CA10: variants seen among roughly 807,000 people sequenced by gnomAD.
CA10 encodes carbonic anhydrase 10 (inactive).
CA10 carries 14 observed loss-of-function variants against 44.2 expected under a neutral mutation model. The ratio of observed to expected loss-of-function variants is 0.32; its 90% CI spans 0.21 to 0.50. CA10 has a LOEUF of 0.50. Ranked by LOEUF, CA10 falls within the 20% of genes least tolerant of loss-of-function variation. CA10 has a pLI of 0.99. For missense variants in CA10, 350 were observed against 409.7 expected (o/e 0.85, Z 1.26); for synonymous variants, 159 against 141.6 (o/e 1.12, Z -0.87).
intron 3 of CA10, among the ~76,000 whole-genome samples, chr17:51,808,297 C>A (rs972785994): frequency 8.5e-5 from 13 of 152,208 alleles, no homozygotes; most frequent in African/African-American, 3.1e-4. Flanking sequence ...TTAAATTAGG[C>A]AATTTACTCA....
In CA10 at chr17:52,051,818, C is replaced by T. The variant is rs972759242; in HGVS notation, c.136+20501G>A. ...GACATAAATCATTCTATTATAAAGA[C>T]ACATGCATACATATGTTCACTGTAG... On this transcript the variant is annotated intron_variant, in intron 2 of 8. Transcript: ENST00000451037. Among the ~76,000 whole-genome samples, 4 of 152,070 alleles carry T rather than the reference C, an allele frequency of 2.6e-5. No individual in the cohort carries two copies. In the South Asian group the frequency reaches 8.3e-4, roughly 32 times the overall value.
chr17:51,826,527 T>C (rs1908015027), intron 3 of CA10, among the ~76,000 whole-genome samples: 1 of 152,214 alleles, frequency 6.6e-6, no homozygotes. Context: ...AGATTTTCCC[T>C]GGGTGGATTT....
intron 1 of CA10, among the ~76,000 whole-genome samples, chr17:52,098,493 C>G (rs1264815907): frequency 1.3e-5 from 2 of 152,166 alleles, no homozygotes; most frequent in Non-Finnish European, 2.9e-5. Context: ...AATAACGACC[C>G]AGCCCAGTGT....
intron 4 of CA10, among the ~76,000 whole-genome samples, chr17:51,693,567 C>G (rs1915293812): frequency 6.6e-6 from 1 of 152,136 alleles, no homozygotes; most frequent in South Asian, 2.1e-4. Flanking sequence ...TGTTTACCTC[C>G]TATTTATAAG....
intron 3 of CA10, among the ~76,000 whole-genome samples, chr17:51,846,141 G>A (rs1978483879): frequency 6.6e-6 from 1 of 152,224 alleles, no homozygotes; most frequent in Non-Finnish European, 1.5e-5. Flanking sequence ...TGCAAAGGAG[G>A]CATTGGCCTT....
At chr17:52,048,048 A>AC in intron 2 of CA10, among the ~76,000 whole-genome samples, 1 of 151,786 alleles carries the variant, frequency 6.6e-6, no homozygotes, top group East Asian at 2.0e-4. Flanking sequence ...AAAAATTAAA[A>AC]AAAAAAAAAA....
chr17:51,678,915 A>G (rs1914724191), intron 4 of CA10, among the ~76,000 whole-genome samples: 1 of 152,230 alleles, frequency 6.6e-6, no homozygotes, highest in Non-Finnish European at 1.5e-5. Context: ...CAAATAGGAA[A>G]CTAAGCTTTG....
chr17:52,041,183 C>T (rs1986758544), intron 2 of CA10, among the ~76,000 whole-genome samples: 1 of 151,938 alleles, frequency 6.6e-6, no homozygotes, highest in African/African-American at 2.4e-5. Flanking sequence ...ATGACAAAAT[C>T]CAGCAACCCA....
chr17:52,145,994 T>G (rs1485454082), intron 1 of CA10, among the ~76,000 whole-genome samples: 1 of 151,998 alleles, frequency 6.6e-6, no homozygotes, highest in Admixed American at 6.6e-5. Flanking sequence ...CAAGGGAAAG[T>G]TAAATATAAA....
chr17:51,797,563 A>G (rs533011273), intron 3 of CA10, among the ~76,000 whole-genome samples: 64 of 152,136 alleles, frequency 4.2e-4, no homozygotes, highest in African/African-American at 1.5e-3. Context: ...TCCCTTAAAA[A>G]GAAAGGAAGA....
At chr17:51,835,660 T>C (rs1908450743) in intron 3 of CA10, among the ~76,000 whole-genome samples, 1 of 152,228 alleles carries the variant, frequency 6.6e-6, no homozygotes, top group Non-Finnish European at 1.5e-5. Context: ...GGAGGGGGTT[T>C]AATACCAGCA....
chr17:51,797,285 A>G (rs1473764594), intron 3 of CA10, among the ~76,000 whole-genome samples: 1 of 152,198 alleles, frequency 6.6e-6, no homozygotes, highest in South Asian at 2.1e-4. Context: ...GTTTCTGTGG[A>G]CTTCCCACGG....
chr17:51,975,875 A>G (rs1251775091), intron 2 of CA10, among the ~76,000 whole-genome samples: 3 of 5,064 alleles, frequency 5.9e-4, no homozygotes, highest in Admixed American at 4.0e-3. Flanking sequence ...TGTCTCGGAA[A>G]AAAAAAAAAA....
At chr17:51,633,692 A>T (rs1912697872) in intron 7 of CA10, 42 bp from the exon 8 acceptor site, 1 of 1,582,598 alleles carries the variant, frequency 6.3e-7, no homozygotes, top group South Asian at 1.1e-5. Context: ...CCATCCTCTT[A>T]AATGCACTAG....
At chr17:51,891,206 C>T (rs1025618485) in intron 3 of CA10, among the ~76,000 whole-genome samples, 2 of 152,012 alleles carry the variant, frequency 1.3e-5, no homozygotes, top group African/African-American at 4.8e-5. Context: ...CATGTGGGGA[C>T]TGAGGTGGTG....
intron 4 of CA10, among the ~76,000 whole-genome samples, chr17:51,676,793 C>A (rs187259000): frequency 1.3e-5 from 2 of 152,212 alleles, no homozygotes; most frequent in African/African-American, 4.8e-5. Flanking sequence ...AGAGTCACCT[C>A]GGTTCCATAT....
intron 4 of CA10, among the ~76,000 whole-genome samples, chr17:51,687,012 T>C (rs536380816): frequency 2.0e-5 from 3 of 152,310 alleles, no homozygotes; most frequent in South Asian, 4.1e-4. Context: ...GTATCCAAAG[T>C]AATCTTAAAA....
At chr17:52,054,810 T>C (rs1987179303) in intron 2 of CA10, among the ~76,000 whole-genome samples, 1 of 151,842 alleles carries the variant, frequency 6.6e-6, no homozygotes. Flanking sequence ...AAAAAAGGCA[T>C]TAAAGACCCA....
chr17:52,142,369 T>G (rs1989498794), intron 1 of CA10, among the ~76,000 whole-genome samples: 1 of 152,200 alleles, frequency 6.6e-6, no homozygotes. Flanking sequence ...TATGGTTGGC[T>G]GCATCTCACA....
Sources: gnomAD v4.1 joint callset for allele counts (sites outside exome capture counted in the v4.1 genomes callset) on GRCh38, gnomAD v4.1.1 for gene constraint, MANE v1.5 for transcripts, NCBI Gene and HGNC (gene_info 2026-07-23, HGNC 2026-07-21) for gene names.